The following UGT1A9 variants were observed in gnomAD, a reference collection of about 807,000 sequenced individuals.
UGT1A9 encodes the protein UDP glucuronosyltransferase family 1 member A9.
A neutral mutation model predicts 45.0 loss-of-function variants in UGT1A9; 35 were observed. The ratio of observed to expected loss-of-function variants is 0.78; its 90% CI spans 0.59 to 1.03. The LOEUF is 1.03. UGT1A9 is among the 50% of genes least tolerant of loss of function. UGT1A9 has a pLI of 0.00. For synonymous variants in UGT1A9, 278 were observed against 250.6 expected (o/e 1.11, Z -1.03); for missense variants, 687 against 666.6 (o/e 1.03, Z -0.34).
chr2:233,719,467 A>G (rs1275256399), intron 1 of UGT1A9: 3 of 1,613,820 alleles, frequency 1.9e-6, no homozygotes, highest in South Asian at 1.1e-5. Flanking sequence ...AACATGCTCT[A>G]CCCTCTGGCC....
chr2:233,703,365 T>A (rs919646381), intron 1 of UGT1A9, among the ~76,000 whole-genome samples: 2 of 152,170 alleles, frequency 1.3e-5, no homozygotes, highest in Non-Finnish European at 2.9e-5. Context: ...AACTTTAGGT[T>A]TATCAATTTT....
At chr2:233,721,832 G>A (rs935086568) in intron 1 of UGT1A9, 5 of 515,852 alleles carry the variant, frequency 9.7e-6, no homozygotes, top group Admixed American at 3.9e-5. Flanking sequence ...TTGGGCCACC[G>A]ACCTTGTGTC....
At position 233,769,005 on chromosome 2, in the gene UGT1A9, C is replaced by G. The variant is rs929159668; in HGVS notation, c.1295+566C>G. 2.0e-5 allele frequency among the ~76,000 whole-genome samples: 3 copies of G among 152,020 alleles called. No individual in the cohort carries two copies. Among genetic ancestry groups the G allele is most frequent in the South Asian group, 4.2e-4 (2 of 4,812 alleles). ...TATTTCCCCCATTAGATTTAAAACT[C>G]CAATTTACATAAAAAGTTGCCATAA... On this transcript the variant is annotated intron_variant, in intron 4 of 4. Transcript: ENST00000354728. This position sits in a 1 kb window ranked among gnomAD's most constrained non-coding sequence, Gnocchi z 4.4.
At chr2:233,718,692 G>A in intron 1 of UGT1A9, 1 of 1,589,924 alleles carries the variant, frequency 6.3e-7, no homozygotes, top group Middle Eastern at 2.3e-4. Context: ...AACTGGAGGA[G>A]GGCACTTTGT....
At chr2:233,712,790 T>G (rs28898600) in intron 1 of UGT1A9, among the ~76,000 whole-genome samples, 3,267 of 152,150 alleles carry the variant, frequency 0.021, 105 homozygotes, top group African/African-American at 0.073. Flanking sequence ...AAGATAGGAG[T>G]GATCGGTCTT....
chr2:233,760,805 A>C (rs1464812223), intron 1 of UGT1A9: 1 of 1,613,342 alleles, frequency 6.2e-7, no homozygotes, highest in Admixed American at 1.7e-5. Context: ...TTCTTCTTGC[A>C]TGCACTGCCA....
intron 1 of UGT1A9, among the ~76,000 whole-genome samples, chr2:233,757,279 A>T (rs1159492481): frequency 7.8e-6 from 1 of 127,878 alleles, no homozygotes; most frequent in Admixed American, 8.4e-5. Context: ...GCAATGATTC[A>T]GAAGGGACAG....
chr2:233,756,202 C>T (rs540523452), intron 1 of UGT1A9: 9 of 152,318 alleles, frequency 5.9e-5, no homozygotes, highest in African/African-American at 1.7e-4. Flanking sequence ...AGAGTAGTCC[C>T]TGGTATTCTG....
chr2:233,756,383 G>C (rs1251159335), intron 1 of UGT1A9: 1 of 151,718 alleles, frequency 6.6e-6, no homozygotes, highest in Non-Finnish European at 1.5e-5. Flanking sequence ...GTAAATAGTT[G>C]TTTTACAGTA....
chr2:233,741,020 G>A (rs946824154), intron 1 of UGT1A9: 9 of 151,702 alleles, frequency 5.9e-5, no homozygotes, highest in Admixed American at 3.3e-4. Context: ...CCAGGAATTC[G>A]TGGTTACAGT....
Position 233,767,112 on chromosome 2 carries a change from C to T in UGT1A9, c.934C>T (p.Pro312Ser), listed in dbSNP as rs769666128. 1 of 1,614,080 alleles carries T rather than the reference C, an allele frequency of 6.2e-7. No individual in the cohort carries two copies. The highest frequency in any genetic ancestry group is 2.2e-5 in the East Asian group (1 of 44,856). The change falls in exon 2 of 5, where the codon CCA (proline) becomes TCA (serine). Residue 312 changes from proline to serine, a missense_variant. Coordinates refer to ENST00000354728, the MANE Select transcript of UGT1A9 (RefSeq NM_021027.3). ...TTTGGGATCAATGGTCTCAGAAATT[C>T]CAGAGAAGAAAGCTATGGCAATTGC... ...FSLGSMVSEI[P>S]EKKAMAIADA...
chr2:233,690,185 A>G (rs1575442936), intron 1 of UGT1A9, among the ~76,000 whole-genome samples: 2 of 152,246 alleles, frequency 1.3e-5, no homozygotes, highest in Non-Finnish European at 2.9e-5. Context: ...TAGCCATTTC[A>G]TAAAATATTC....
At chr2:233,685,760 A>G (rs1675138533) in intron 1 of UGT1A9, among the ~76,000 whole-genome samples, 2 of 152,342 alleles carry the variant, frequency 1.3e-5, no homozygotes, top group Admixed American at 6.5e-5. Context: ...TTTTAAAGAA[A>G]AATTTTGACT....
At chr2:233,737,917 T>TG (rs1690633729) in intron 1 of UGT1A9, among the ~76,000 whole-genome samples, 4 of 152,026 alleles carry the variant, frequency 2.6e-5, no homozygotes, top group African/African-American at 4.8e-5. Flanking sequence ...AACAGGCTAG[T>TG]GTATTTAGTA....
Position 233,744,055 on chromosome 2 carries a change from C to A in UGT1A9, c.856-22979C>A, listed in dbSNP as rs115067532. 2,270 of 645,232 alleles carry A rather than the reference C, an allele frequency of 3.5e-3. 102 individuals carry two copies. The African/African-American group carries it at 0.042, about 12-fold the overall frequency. 40.0% of individuals were successfully genotyped at this position (645,232 alleles called of 1,614,324 possible). A position where few individuals can be genotyped will look rare whatever the true frequency, so the allele number is the denominator to read the frequency against. ...TATGACGCAGCCACATCTCATTGGT[C>A]GAGGCCTATGAGCGCCTCGCATCCC... is the stretch of plus-strand genomic sequence containing the variant. On this transcript the variant is annotated intron_variant, in intron 1 of 4. Coordinates refer to ENST00000354728, the MANE Select transcript of UGT1A9 (RefSeq NM_021027.3).
intron 1 of UGT1A9, chr2:233,760,792 G>C (rs1185395607): frequency 6.2e-7 from 1 of 1,613,510 alleles, no homozygotes. Flanking sequence ...TCTGCCCACT[G>C]TATTCTTCTT....
chr2:233,718,966 G>C (rs201968211), intron 1 of UGT1A9: 2 of 1,614,188 alleles, frequency 1.2e-6, no homozygotes, highest in South Asian at 2.2e-5. Flanking sequence ...GAGGCCTTGC[G>C]GGAGCTCCAT....
At chr2:233,724,972 G>A (rs897028674) in intron 1 of UGT1A9, among the ~76,000 whole-genome samples, 4 of 135,404 alleles carry the variant, frequency 3.0e-5, no homozygotes, top group South Asian at 2.5e-4. Context: ...CGAGGTTGGC[G>A]GATCACTCGC....
At chr2:233,681,811 AT>A (rs1015363020) in intron 1 of UGT1A9, 88 of 1,486,588 alleles carry the variant, frequency 5.9e-5, no homozygotes, top group South Asian at 1.7e-4. Flanking sequence ...GTGAATGTGA[AT>A]TTTTTTTTAA....
Sources: gnomAD v4.1 joint callset for allele counts (sites outside exome capture counted in the v4.1 genomes callset) on GRCh38, gnomAD v4.1.1 for gene constraint, Gnocchi (gnomAD v3.1) non-coding constraint, MANE v1.5 for transcripts, NCBI Gene and HGNC (gene_info 2026-07-23, HGNC 2026-07-21) for gene names.